The following PCBP3 variants were observed in gnomAD, a reference collection of about 807,000 sequenced individuals.
PCBP3 encodes the protein poly(rC)-binding protein 3.
Under a neutral mutation model 52.7 loss-of-function variants are expected in PCBP3, and 25 were observed. That is an observed-to-expected ratio of 0.47 (90% CI 0.35 to 0.66). PCBP3 has a LOEUF of 0.66. Ranked by LOEUF, PCBP3 falls within the 30% of genes least tolerant of loss-of-function variation. The pLI is 0.01. For missense variants in PCBP3, 391 were observed against 490.3 expected, an observed-to-expected ratio of 0.80 and a Z score of 1.91; for synonymous variants, 162 against 183.0, an observed-to-expected ratio of 0.89 and a Z score of 0.93.
chr21:45,742,359 G>A (rs762266557), intron 3 of PCBP3, among the ~76,000 whole-genome samples: 1 of 152,178 alleles, frequency 6.6e-6, no homozygotes, highest in Non-Finnish European at 1.5e-5. Flanking sequence ...TACTGCATAC[G>A]TCTCCATCTC....
chr21:45,660,898 G>A (rs950730681), intron 1 of PCBP3, among the ~76,000 whole-genome samples: 6 of 152,066 alleles, frequency 3.9e-5, no homozygotes, highest in East Asian at 3.9e-4. Context: ...AAAATTAGCC[G>A]GGAGTGGTGG....
In PCBP3 at chr21:45,900,734, T is replaced by A. The variant is rs562720055; in HGVS notation, c.222+111T>A. 1,351 of 902,258 alleles carry A rather than the reference T, an allele frequency of 1.5e-3. 4 individuals carry two copies. Among genetic ancestry groups the A allele is most frequent in the Non-Finnish European group, 1.6e-3 (896 of 548,830 alleles). 55.9% of individuals were successfully genotyped at this position (902,258 alleles called of 1,614,324 possible). A position where few individuals can be genotyped will look rare whatever the true frequency, so the allele number is the denominator to read the frequency against. ...CCTGTGCTCTTGGCCAGCCGGGGTG[T>A]GTGGGGAGTGCAGTGCGGGGCCTCT... is the stretch of plus-strand genomic sequence containing the variant. On this transcript the variant is annotated intron_variant, in intron 8 of 17. Transcript: ENST00000681687.
At position 45,736,494 on chromosome 21, in the gene PCBP3, C is replaced by A. The variant is rs184246034; in HGVS notation, c.-162+1065C>A. On this transcript the variant is annotated intron_variant, in intron 3 of 17. Transcript: ENST00000681687. The surrounding 1 kb of genome is among the most constrained non-coding windows in gnomAD (Gnocchi z 4.6). ...TGCTGCGGGCCCCGCCTACTAACTT[C>A]CAGAGATGTCAGCTGCAGCAGGGCA... 6.8e-4 allele frequency among the ~76,000 whole-genome samples: 103 copies of A among 152,316 alleles called. 1 individual carries two copies. The highest frequency in any genetic ancestry group is 6.8e-3 in the Middle Eastern group (2 of 294).
intron 2 of PCBP3, among the ~76,000 whole-genome samples, chr21:45,698,517 C>A (rs1176336875): frequency 6.6e-6 from 1 of 152,186 alleles, no homozygotes; most frequent in Non-Finnish European, 1.5e-5. Context: ...TGGGGATCAT[C>A]TGATGAAAGC....
At chr21:45,658,372 C>T (rs1246131667) in intron 1 of PCBP3, among the ~76,000 whole-genome samples, 1 of 152,160 alleles carries the variant, frequency 6.6e-6, no homozygotes, top group Non-Finnish European at 1.5e-5. Flanking sequence ...GGTGCGATCT[C>T]AGCTCACTGC....
At chr21:45,782,765 T>G (rs561157073) in intron 4 of PCBP3, among the ~76,000 whole-genome samples, 9 of 152,232 alleles carry the variant, frequency 5.9e-5, no homozygotes, top group Non-Finnish European at 1.3e-4. Context: ...CATTATTTGT[T>G]GCAAACCAAA....
At chr21:45,887,521 C>G (rs763656227) in intron 5 of PCBP3, among the ~76,000 whole-genome samples, 3 of 152,330 alleles carry the variant, frequency 2.0e-5, no homozygotes, top group Middle Eastern at 3.4e-3. Context: ...TCAGCAGACA[C>G]CAGCTGCTGA....
chr21:45,716,373 T>C (rs921412823), intron 2 of PCBP3, among the ~76,000 whole-genome samples: 1 of 152,192 alleles, frequency 6.6e-6, no homozygotes, highest in Non-Finnish European at 1.5e-5. Flanking sequence ...ATTAGTCTGC[T>C]AGGGCTGCCA....
At chr21:45,833,402 C>A (rs2093501469) in intron 4 of PCBP3, among the ~76,000 whole-genome samples, 1 of 152,210 alleles carries the variant, frequency 6.6e-6, no homozygotes, top group African/African-American at 2.4e-5. Context: ...GCTTCCCAGG[C>A]CTCACAACAG....
At position 45,741,633 on chromosome 21, in the gene PCBP3, G is replaced by A. The variant is rs888176025; in HGVS notation, c.-162+6204G>A. ...TTTCATAAGCTTTATCGAATTATTT[G>A]CTTTTAAAAACTGTGTATATTTATA... On this transcript the variant is annotated intron_variant, in intron 3 of 17. Coordinates refer to ENST00000681687, the MANE Select transcript of PCBP3 (RefSeq NM_001384156.1). This position sits in a 1 kb window ranked among gnomAD's most constrained non-coding sequence, Gnocchi z 4.5. Among the ~76,000 whole-genome samples, 5 of 152,160 alleles carry A rather than the reference G, an allele frequency of 3.3e-5. No homozygotes were observed. In the East Asian group the frequency reaches 9.6e-4, roughly 29 times the overall value.
chr21:45,691,236 CAAAAG>C (rs1233902523), intron 2 of PCBP3, among the ~76,000 whole-genome samples: 2 of 151,406 alleles, frequency 1.3e-5, no homozygotes, highest in Admixed American at 1.3e-4. Context: ...CCAGACATAA[CAAAAG>C]AAGTCAGTAC....
chr21:45,654,757 G>T (rs975479460), intron 1 of PCBP3, among the ~76,000 whole-genome samples: 9 of 152,094 alleles, frequency 5.9e-5, no homozygotes, highest in Non-Finnish European at 1.0e-4. Flanking sequence ...CCCTTTTAAA[G>T]TTTACAATTG....
At chr21:45,786,300 T>C (rs2091154495) in intron 4 of PCBP3, among the ~76,000 whole-genome samples, 1 of 151,988 alleles carries the variant, frequency 6.6e-6, no homozygotes, top group Admixed American at 6.5e-5. Context: ...TTTTTTTTTT[T>C]TCTTTTTGAG....
chr21:45,837,172 A>G lies in PCBP3; in HGVS notation c.-125-12789A>G, dbSNP rs2093608752. ...CCCCAGCAGCGTGTTAGCGCCACGG[A>G]TGATCTACAGTCCACCAACATTCTG... On this transcript the variant is annotated intron_variant, in intron 4 of 17. Transcript: ENST00000681687. This position sits in a 1 kb window ranked among gnomAD's most constrained non-coding sequence, Gnocchi z 4.1. Among the ~76,000 whole-genome samples the G allele has an allele frequency of 6.6e-6, 1 of 152,246 alleles. No individual in the cohort carries two copies. Among genetic ancestry groups the G allele is most frequent in the Non-Finnish European group, 1.5e-5 (1 of 68,036 alleles).
chr21:45,909,927 TGGACCCCCCCAACCCACTTCCCAGATAC>T (rs1156894768), intron 10 of PCBP3, among the ~76,000 whole-genome samples: 55 of 35,520 alleles, frequency 1.5e-3, no homozygotes, highest in African/African-American at 4.5e-3. Flanking sequence ...TGCCCAGATA[TGGACCCCCCCAACCCACTTCCCAGATAC>T]GGACCCCCCC....
At chr21:45,763,964 C>A (rs2088993653) in intron 4 of PCBP3, among the ~76,000 whole-genome samples, 1 of 152,198 alleles carries the variant, frequency 6.6e-6, no homozygotes, top group Non-Finnish European at 1.5e-5. Context: ...TCTAATAATA[C>A]GGTGTTTTGA....
At chr21:45,858,541 C>G (rs1203145832) in intron 5 of PCBP3, 3 of 152,270 alleles carry the variant, frequency 2.0e-5, no homozygotes, top group Admixed American at 2.0e-4. Context: ...GAGGGAGGCC[C>G]CTGGGGAGCC....
At chr21:45,856,459 T>A (rs1177190353) in intron 5 of PCBP3, among the ~76,000 whole-genome samples, 1 of 152,204 alleles carries the variant, frequency 6.6e-6, no homozygotes, top group Non-Finnish European at 1.5e-5. Flanking sequence ...GTGTTGGAGG[T>A]GGGTCTGGTG....
chr21:45,843,341 A>G (rs949756175), intron 4 of PCBP3, among the ~76,000 whole-genome samples: 2 of 152,170 alleles, frequency 1.3e-5, no homozygotes, highest in Admixed American at 6.5e-5. Context: ...AGGGTTGTAT[A>G]TTATTTAGAC....
Sources: gnomAD v4.1 joint callset for allele counts (sites outside exome capture counted in the v4.1 genomes callset) on GRCh38, gnomAD v4.1.1 for gene constraint, Gnocchi (gnomAD v3.1) non-coding constraint, MANE v1.5 for transcripts, NCBI Gene and HGNC (gene_info 2026-07-23, HGNC 2026-07-21) for gene names.